GNPTAB: variants seen among roughly 807,000 people sequenced by gnomAD.
GNPTAB encodes the protein N-acetylglucosamine-1-phosphotransferase subunits alpha/beta.
A neutral mutation model predicts 136.6 loss-of-function variants in GNPTAB; 92 were observed. The observed-to-expected ratio is 0.67, with a 90% CI of 0.57 to 0.80. The LOEUF is 0.80. Ranked by LOEUF, GNPTAB falls within the 30% of genes least tolerant of loss-of-function variation. The probability of loss-of-function intolerance (pLI) is 0.00; values close to 1 mark genes in which losing one functional copy is unlikely to be tolerated. For missense variants in GNPTAB, 1,343 were observed against 1,501.8 expected (o/e 0.89, Z 1.75); for synonymous variants, 512 against 535.1 (o/e 0.96, Z 0.60).
chr12:101,830,030 A>T (rs1441145948), intron 1 of GNPTAB, among the ~76,000 whole-genome samples: 4 of 151,640 alleles, frequency 2.6e-5, no homozygotes, highest in Non-Finnish European at 4.4e-5. Flanking sequence ...AAAGAAAAAG[A>T]AAAAAACTAA....
intron 1 of GNPTAB, among the ~76,000 whole-genome samples, chr12:101,810,276 C>A (rs1488820818): frequency 6.6e-6 from 1 of 151,688 alleles, no homozygotes; most frequent in Non-Finnish European, 1.5e-5. Context: ...TAAAACAAGC[C>A]TATTAAAAAT....
intron 7 of GNPTAB, among the ~76,000 whole-genome samples, chr12:101,771,401 G>A (rs1953173845): frequency 6.6e-6 from 1 of 152,000 alleles, no homozygotes; most frequent in Non-Finnish European, 1.5e-5. Context: ...GCATCATCAC[G>A]CCCGGCAAAC....
At chr12:101,798,678 A>G (rs1398903723) in intron 1 of GNPTAB, among the ~76,000 whole-genome samples, 1 of 152,250 alleles carries the variant, frequency 6.6e-6, no homozygotes, top group Non-Finnish European at 1.5e-5. Flanking sequence ...TATATACTGT[A>G]CTAAAATAAT....
chr12:101,830,670 C>G lies in GNPTAB; in HGVS notation c.6G>C (p.Leu2=), dbSNP rs755520570. ...AGGTCTGTCTCTGCAGGAGCTTGAA[C>G]AGCATCACCCCTTCACCGCCACGCC... is the stretch of plus-strand genomic sequence containing the variant. M[L]FKLLQRQTYT... The change falls in exon 1 of 21, where the codon CTG becomes CTC. Residue 2 remains leucine (L), a synonymous_variant. Coordinates refer to ENST00000299314, the MANE Select transcript of GNPTAB (RefSeq NM_024312.5). The G allele has an allele frequency of 5.7e-6, 9 of 1,576,734 alleles. No individual in the cohort carries two copies. The Admixed American group carries it at 1.5e-4, about 26-fold the overall frequency.
chr12:101,826,565 G>A (rs1244564643), intron 1 of GNPTAB, among the ~76,000 whole-genome samples: 2 of 140,982 alleles, frequency 1.4e-5, no homozygotes, highest in Non-Finnish European at 3.1e-5. Context: ...TACCTTATTT[G>A]GCAACTAAAC....
In GNPTAB at chr12:101,746,937, TTAAAAG is replaced by T. The variant is rs2137095447; in HGVS notation, c.*221_*226del. On this transcript the variant is annotated 3_prime_UTR_variant, in exon 21 of 21. Transcript: ENST00000299314. ...GATGACAGGTCCATGAGCAAATTCTTTAAAAGTAAAATCAGTTCAGAGCTGCTCAAC... is the reference window on the plus strand; with the variant it reads ...GATGACAGGTCCATGAGCAAATTCTTTAAAATCAGTTCAGAGCTGCTCAAC... The T allele has an allele frequency of 1.0e-5, 5 of 493,318 alleles. No homozygotes were observed. The East Asian group carries it at 1.7e-4, about 17-fold the overall frequency. 30.6% of individuals were successfully genotyped at this position (493,318 alleles called of 1,614,324 possible).
At chr12:101,821,845 G>A (rs541484423) in intron 1 of GNPTAB, among the ~76,000 whole-genome samples, 1 of 152,244 alleles carries the variant, frequency 6.6e-6, no homozygotes, top group South Asian at 2.1e-4. Flanking sequence ...TTGTCACTCC[G>A]CTGGAATCAG....
chr12:101,779,718 T>G, intron 7 of GNPTAB: 1 of 201,992 alleles, frequency 5.0e-6, no homozygotes, highest in Non-Finnish European at 1.0e-5. Flanking sequence ...CATGCTTCCA[T>G]TGTTCACACC....
At chr12:101,799,785 T>C (rs996226713) in intron 1 of GNPTAB, among the ~76,000 whole-genome samples, 3 of 148,818 alleles carry the variant, frequency 2.0e-5, no homozygotes, top group Non-Finnish European at 4.4e-5. Flanking sequence ...CAGAACCCCA[T>C]GAGTTCAACA....
At chr12:101,767,193 A>ACTCTCT (rs373633118) in intron 11 of GNPTAB, among the ~76,000 whole-genome samples, 1 of 151,256 alleles carries the variant, frequency 6.6e-6, no homozygotes, top group Admixed American at 6.6e-5. Context: ...GTACATACTT[A>ACTCTCT]CTCTCTCTCT....
intron 2 of GNPTAB, among the ~76,000 whole-genome samples, chr12:101,794,061 T>C (rs981642653): frequency 6.6e-6 from 1 of 152,190 alleles, no homozygotes; most frequent in Non-Finnish European, 1.5e-5. Context: ...CAGGCTGGTC[T>C]TGAACTCCTG....
In GNPTAB at chr12:101,770,029, C is replaced by T; in HGVS notation, c.1276G>A (p.Gly426Ser). ...TCCTCTTAGGCACTCACCTTCTGGCCTTTGGAGTGACTGTAAAAATCATCT... is the reference window on the plus strand; with the variant it reads ...TCCTCTTAGGCACTCACCTTCTGGCTTTTGGAGTGACTGTAAAAATCATCT... ...WPDDFYSHSK[G>S]QKVYLTWPVP... The change falls in exon 10 of 21, where the codon GGC becomes AGC. Residue 426 changes from glycine to serine, a missense_variant. Gly to Ser is a moderately conservative substitution (Grantham distance 56). Transcript: ENST00000299314. The T allele has an allele frequency of 6.2e-7, 1 of 1,613,972 alleles. No homozygotes were observed. The highest frequency in any genetic ancestry group is 8.5e-7 in the Non-Finnish European group (1 of 1,179,982).
intron 5 of GNPTAB, among the ~76,000 whole-genome samples, chr12:101,784,004 C>T (rs777895505): frequency 3.9e-5 from 6 of 152,100 alleles, no homozygotes; most frequent in Non-Finnish European, 8.8e-5. Context: ...AGGCGTGAGC[C>T]ACCACACCCA....
chr12:101,824,434 T>TATATATATATATATA (rs1566103110), intron 1 of GNPTAB, among the ~76,000 whole-genome samples: 1 of 67,972 alleles, frequency 1.5e-5, no homozygotes, highest in African/African-American at 6.4e-5. Context: ...ATATATATAT[T>TATATATATATATATA]TTCTTTTTTT....
intron 18 of GNPTAB, among the ~76,000 whole-genome samples, chr12:101,754,917 G>A (rs949092189): frequency 2.6e-5 from 4 of 151,728 alleles, no homozygotes; most frequent in Non-Finnish European, 4.4e-5. Flanking sequence ...AAAATTATAC[G>A]GTTAAAAAAA....
chr12:101,764,303 C>T lies in GNPTAB; in HGVS notation c.2614G>A (p.Val872Ile), dbSNP rs775948211. 40 of 1,613,836 alleles carry T rather than the reference C, an allele frequency of 2.5e-5. No individual in the cohort carries two copies. The East Asian group carries it at 4.5e-4, about 18-fold the overall frequency. The change falls in exon 13 of 21, where the codon GTT becomes ATT. Residue 872 changes from valine to isoleucine, a missense_variant. By Grantham distance (29) the Val-to-Ile change is conservative. Transcript: ENST00000299314. ...MEENAENHIGVTEVLLGRKLQ... is the reference protein window; with the variant it reads ...MEENAENHIGITEVLLGRKLQ... ...TTTCTTCCAAGTAACACTTCAGTAA[C>T]GCCTATGTGATTTTCAGCATTTTCC... is the stretch of plus-strand genomic sequence containing the variant.
At chr12:101,794,422 G>A (rs967887005) in intron 2 of GNPTAB, among the ~76,000 whole-genome samples, 7 of 152,210 alleles carry the variant, frequency 4.6e-5, no homozygotes, top group African/African-American at 1.2e-4. Context: ...GCTGAGGTAA[G>A]AGGATCGCTT....
rs757691705 is a variant in GNPTAB, at chr12:101,761,203, T to A, written c.3059A>T (p.Asp1020Val). 6.2e-7 allele frequency: 1 copy of A among 1,614,114 alleles called. No individual in the cohort carries two copies. The highest frequency in any genetic ancestry group is 8.5e-7 in the Non-Finnish European group (1 of 1,179,942). Reference protein sequence around the residue: ...ISQVFDEVDTDQSGVLSDREI... With the variant: ...ISQVFDEVDTVQSGVLSDREI... ...TCTGTCAGACAAGACACCAGATTGA[T>A]CTGTATCAACTTCATCAAAGACTTG... The change falls in exon 15 of 21, where the codon GAT (aspartate) becomes GTT (valine). Residue 1020 changes from aspartate to valine, a missense_variant. Coordinates refer to ENST00000299314, the MANE Select transcript of GNPTAB (RefSeq NM_024312.5).
chr12:101,789,620 G>A (rs552346568), intron 3 of GNPTAB, among the ~76,000 whole-genome samples: 1 of 152,236 alleles, frequency 6.6e-6, no homozygotes, highest in Admixed American at 6.5e-5. Context: ...AATTAGCTGG[G>A]ATTGCAGGCG....
Sources: gnomAD v4.1 joint callset for allele counts (sites outside exome capture counted in the v4.1 genomes callset) on GRCh38, gnomAD v4.1.1 for gene constraint, MANE v1.5 for transcripts, NCBI Gene and HGNC (gene_info 2026-07-23, HGNC 2026-07-21) for gene names.